TPD52L1: variants seen among roughly 807,000 people sequenced by gnomAD.
TPD52L1 encodes the protein TPD52 like 1, also known as tumor protein D53.
A neutral mutation model predicts 28.7 loss-of-function variants in TPD52L1; 18 were observed. That is an observed-to-expected ratio of 0.63 (90% confidence interval 0.43 to 0.93). The LOEUF is 0.93. Among genes scored for constraint, TPD52L1 ranks in the 40% least tolerant of loss-of-function variants. The probability of loss-of-function intolerance (pLI) is 0.00; values close to 1 mark genes in which losing one functional copy is unlikely to be tolerated. For missense variants in TPD52L1, 203 were observed against 254.8 expected (o/e 0.80, Z 1.39); for synonymous variants, 75 against 88.8 (o/e 0.84, Z 0.88).
rs757822042 is a variant in TPD52L1, at chr6:125,169,827, C to T, written c.19+15857C>T. On this transcript the variant is annotated intron_variant, in intron 1 of 6. Transcript: ENST00000534000. ...TGACACTCCTTCCTTTGAAGTTCTCCGGTAGTTCTTCAATTCACACAGAAT... is the reference window on the plus strand; with the variant it reads ...TGACACTCCTTCCTTTGAAGTTCTCTGGTAGTTCTTCAATTCACACAGAAT... 3.7e-4 allele frequency among the ~76,000 whole-genome samples: 57 copies of T among 152,170 alleles called. 1 individual carries two copies. Among genetic ancestry groups the T allele is most frequent in the Non-Finnish European group, 1.3e-4 (9 of 68,040 alleles).
intron 2 of TPD52L1, 137 bp from the exon 3 acceptor site, chr6:125,228,981 G>T: frequency 1.4e-6 from 1 of 697,172 alleles, no homozygotes; most frequent in South Asian, 2.4e-5. Context: ...ATCTGTATGG[G>T]GTGTATTTGG....
At chr6:125,203,441 C>G (rs1281947278) in intron 1 of TPD52L1, among the ~76,000 whole-genome samples, 1 of 151,962 alleles carries the variant, frequency 6.6e-6, no homozygotes, top group African/African-American at 2.4e-5. Context: ...TTAAACAGTC[C>G]CTTTCAAGAG....
At chr6:125,252,462 C>G (rs1272031026) in intron 4 of TPD52L1, 1 of 158,826 alleles carries the variant, frequency 6.3e-6, no homozygotes, top group African/African-American at 2.4e-5. Flanking sequence ...ATTTCTTGTA[C>G]CCATAATTTG....
intron 3 of TPD52L1, among the ~76,000 whole-genome samples, chr6:125,237,301 A>G (rs1047308682): frequency 6.6e-6 from 1 of 152,164 alleles, no homozygotes; most frequent in Non-Finnish European, 1.5e-5. Context: ...TATGGAGTTT[A>G]GTTAGGTGAT....
At chr6:125,230,686 T>C (rs955323072) in intron 3 of TPD52L1, among the ~76,000 whole-genome samples, 1 of 152,178 alleles carries the variant, frequency 6.6e-6, no homozygotes, top group African/African-American at 2.4e-5. Flanking sequence ...GAGCATGACA[T>C]CTCCCCAACT....
chr6:125,166,498 T>C (rs1790911238), intron 1 of TPD52L1, among the ~76,000 whole-genome samples: 1 of 152,160 alleles, frequency 6.6e-6, no homozygotes, highest in African/African-American at 2.4e-5. Context: ...TTATTTAAAA[T>C]GATTGGAAGG....
At chr6:125,212,250 G>A (rs1794571034) in intron 1 of TPD52L1, among the ~76,000 whole-genome samples, 1 of 152,028 alleles carries the variant, frequency 6.6e-6, no homozygotes, top group African/African-American at 2.4e-5. Flanking sequence ...TTAAGTCCTA[G>A]GATAATTTTG....
At position 125,248,347 on chromosome 6, in the gene TPD52L1, T is replaced by C. The variant is rs150934298; in HGVS notation, c.350T>C (p.Val117Ala). The change falls in exon 4 of 7, where the codon GTT (valine) becomes GCT (alanine). Residue 117 changes from valine (V) to alanine (A), a missense_variant. By Grantham distance (64) the Val-to-Ala change is moderately conservative. Coordinates refer to ENST00000534000, the MANE Select transcript of TPD52L1 (RefSeq NM_003287.4). Reference sequence around the variant, plus strand: ...AAGGCAACTGCAGCTTTCAGCAACGTTGGAACGGCCATCAGCAAGAAGTTC... The same window carrying C: ...AAGGCAACTGCAGCTTTCAGCAACGCTGGAACGGCCATCAGCAAGAAGTTC... The part of the protein sequence containing the change: ...GQKATAAFSN[V>A]GTAISKKFGD... The C allele has an allele frequency of 1.5e-5, 25 of 1,614,134 alleles. No homozygotes were observed. The highest frequency in any genetic ancestry group is 3.3e-5 in the Admixed American group (2 of 60,020).
intron 1 of TPD52L1, chr6:125,154,628 T>TG: frequency 1.4e-6 from 1 of 716,908 alleles, no homozygotes; most frequent in Non-Finnish European, 1.7e-6. Context: ...GGCTGCCTGC[T>TG]GGAGGAGCCT....
intron 1 of TPD52L1, among the ~76,000 whole-genome samples, chr6:125,158,185 T>G (rs1029675928): frequency 6.6e-6 from 1 of 152,166 alleles, no homozygotes; most frequent in African/African-American, 2.4e-5. Flanking sequence ...CTGCAAAAGG[T>G]AACATTTCCA....
intron 3 of TPD52L1, among the ~76,000 whole-genome samples, chr6:125,231,914 C>T (rs1233690282): frequency 6.6e-6 from 1 of 152,016 alleles, no homozygotes; most frequent in East Asian, 1.9e-4. Flanking sequence ...AGTTAATGTT[C>T]GTAAAGGCTG....
intron 1 of TPD52L1, among the ~76,000 whole-genome samples, chr6:125,197,756 A>G (rs1793540404): frequency 6.6e-6 from 1 of 152,166 alleles, no homozygotes; most frequent in African/African-American, 2.4e-5. Flanking sequence ...TTCAGAGTCT[A>G]AAAGAGGCAT....
rs117049241 is a variant in TPD52L1, at chr6:125,181,548, T to A, written c.19+27578T>A. Among the ~76,000 whole-genome samples, 89 of 152,390 alleles carry A rather than the reference T, an allele frequency of 5.8e-4. No individual in the cohort carries two copies. In the East Asian group the frequency reaches 0.016, roughly 27 times the overall value. Reference sequence around the variant, plus strand: ...AAACTATGAACAGATAAAGAATGCATGTGTTTTACACGAGTACTGAGGAAA... The same window carrying A: ...AAACTATGAACAGATAAAGAATGCAAGTGTTTTACACGAGTACTGAGGAAA... On this transcript the variant is annotated intron_variant, in intron 1 of 6. Transcript: ENST00000534000.
intron 1 of TPD52L1, among the ~76,000 whole-genome samples, chr6:125,168,100 A>G (rs1791025359): frequency 6.6e-6 from 1 of 152,182 alleles, no homozygotes; most frequent in Non-Finnish European, 1.5e-5. Flanking sequence ...GTTAGACACA[A>G]ATAGAACTTT....
chr6:125,257,828 T>C (rs958490150), intron 6 of TPD52L1, among the ~76,000 whole-genome samples: 2 of 152,176 alleles, frequency 1.3e-5, no homozygotes, highest in African/African-American at 4.8e-5. Context: ...GTCTTAAAAT[T>C]GAACTTTTAA....
At chr6:125,192,321 CTT>C (rs35571452) in intron 1 of TPD52L1, among the ~76,000 whole-genome samples, 1 of 142,478 alleles carries the variant, frequency 7.0e-6, no homozygotes. Context: ...CAAAAAAAAT[CTT>C]TTTTTTTTTT....
chr6:125,226,886 A>C lies in TPD52L1; in HGVS notation c.136-2232A>C, dbSNP rs550095996. 3.9e-4 allele frequency among the ~76,000 whole-genome samples: 59 copies of C among 152,324 alleles called. No homozygotes were observed. The South Asian group carries it at 0.012, about 32-fold the overall frequency. The stretch of plus-strand genomic sequence containing the variant: ...ATGAAAAAGAGAAATATGACATGAT[A>C]ACAAAAGAATAGAAGGGCTTAATTT... On this transcript the variant is annotated intron_variant, in intron 2 of 6. Transcript: ENST00000534000.
intron 1 of TPD52L1, among the ~76,000 whole-genome samples, chr6:125,192,792 G>C (rs573339): frequency 0.55 from 83,850 of 152,010 alleles, 24,633 homozygotes; most frequent in African/African-American, 0.76. Flanking sequence ...GGACTCACCT[G>C]TCTCACATCT....
chr6:125,257,697 G>A (rs777138146), intron 6 of TPD52L1, among the ~76,000 whole-genome samples: 2 of 152,202 alleles, frequency 1.3e-5, no homozygotes, highest in Admixed American at 6.5e-5. Context: ...ACACAGTAAT[G>A]CATTTCATCC....
Sources: gnomAD v4.1 joint callset for allele counts (sites outside exome capture counted in the v4.1 genomes callset) on GRCh38, gnomAD v4.1.1 for gene constraint, MANE v1.5 for transcripts, NCBI Gene and HGNC (gene_info 2026-07-23, HGNC 2026-07-21) for gene names.